NPIPB2: variants seen among roughly 807,000 people sequenced by gnomAD.
NPIPB2 encodes the protein nuclear pore complex interacting protein family member B2, also known as nuclear pore complex-interacting protein family member B2.
Under a neutral mutation model 30.8 loss-of-function variants are expected in NPIPB2, and 27 were observed. The ratio of observed to expected loss-of-function variants is 0.88; its 90% confidence interval spans 0.65 to 1.21. The LOEUF (loss-of-function observed/expected upper bound fraction) is 1.21, where lower values mean the gene tolerates loss of function less well. Ranked by LOEUF, NPIPB2 falls within the 50% of genes most tolerant of loss-of-function variation. The pLI is 0.00. For missense variants in NPIPB2, 440 were observed against 446.2 expected, an observed-to-expected ratio of 0.99 and a Z score of 0.13; for synonymous variants, 147 against 162.0, an observed-to-expected ratio of 0.91 and a Z score of 0.70.
chr16:11,933,417 G>C, intron 4 of NPIPB2, 100 bp downstream of exon 4: 1 of 1,536,260 alleles, frequency 6.5e-7, no homozygotes, highest in Non-Finnish European at 8.8e-7. Context: ...CACTGAATTT[G>C]CCACAAATAT....
chr16:11,927,423 T>C (rs1430237459), exon 8 of NPIPB2: 1 of 1,149,290 alleles, frequency 8.7e-7, no homozygotes, highest in South Asian at 1.3e-5. Context: ...CTCCGCCTCT[T>C]GGGCTCGGGT....
At chr16:11,957,214 G>C (rs373932394) in intron 1 of NPIPB2, among the ~76,000 whole-genome samples, 9 of 149,732 alleles carry the variant, frequency 6.0e-5, no homozygotes. Context: ...GCCCAGGCTG[G>C]AGTGCAGTGG....
At chr16:11,960,826 T>G (rs932970324) in intron 1 of NPIPB2, among the ~76,000 whole-genome samples, 1 of 151,960 alleles carries the variant, frequency 6.6e-6, no homozygotes, top group Non-Finnish European at 1.5e-5. Flanking sequence ...CAGGCTAAAA[T>G]CTCTCCTTGC....
At chr16:11,952,180 A>C (rs1217171835) in intron 1 of NPIPB2, among the ~76,000 whole-genome samples, 4 of 143,190 alleles carry the variant, frequency 2.8e-5, no homozygotes, top group African/African-American at 1.1e-4. Context: ...CAAAACAAAA[A>C]AAAAAACAAA....
At chr16:11,931,495 A>G (rs1056526193) in intron 4 of NPIPB2, among the ~76,000 whole-genome samples, 9 of 152,132 alleles carry the variant, frequency 5.9e-5, no homozygotes, top group Middle Eastern at 3.4e-3. Flanking sequence ...TCTGACCACA[A>G]GGCATCCTTC....
rs753581136 is a variant in NPIPB2 at position 11,927,486 on chromosome 16, C to A, written c.1081G>T (p.Glu361Ter). 5 of 1,452,386 alleles carry A rather than the reference C, an allele frequency of 3.4e-6. No individual in the cohort carries two copies. The highest frequency in any genetic ancestry group is 4.7e-6 in the Non-Finnish European group (5 of 1,065,878). The allele number at this position is 1,452,386 out of a possible 1,614,324, so 90.0% of individuals were successfully genotyped here. ...CGCCTCTTGGGTTCGGGTGGTGATT[C>A]CACCTCAGCGGCCCTCCGCCTCTTG... Residue 361 changes from glutamate to a stop codon, truncating the protein, a stop_gained, in exon 8 of 8, where the codon GAA becomes TAA. Coordinates refer to ENST00000399147, the Ensembl canonical transcript of NPIPB2. LOFTEE classifies it high-confidence loss of function.
At chr16:11,954,725 G>C (rs760089842) in intron 1 of NPIPB2, among the ~76,000 whole-genome samples, 1 of 151,776 alleles carries the variant, frequency 6.6e-6, no homozygotes, top group Non-Finnish European at 1.5e-5. Flanking sequence ...GGCTAACACG[G>C]TGAAACCCTA....
chr16:11,968,113 T>G, intron 1 of NPIPB2: 2 of 387,384 alleles, frequency 5.2e-6, no homozygotes, highest in Non-Finnish European at 9.4e-6. Context: ...CAAGCATGTA[T>G]ACCAGTGTGG....
At chr16:11,958,786 G>T (rs555841761) in intron 1 of NPIPB2, among the ~76,000 whole-genome samples, 145 of 152,196 alleles carry the variant, frequency 9.5e-4, no homozygotes, top group African/African-American at 3.4e-3. Flanking sequence ...AAATATTAAG[G>T]TTAAAGAGGT....
intron 1 of NPIPB2, among the ~76,000 whole-genome samples, chr16:11,960,853 A>AT (rs754790093): frequency 6.6e-4 from 97 of 147,188 alleles, no homozygotes; most frequent in African/African-American, 1.4e-3. Context: ...GTTATGGGAG[A>AT]TTTTTTTTTC....
At chr16:11,956,235 GC>G (rs1339945798) in intron 1 of NPIPB2, 1 of 152,340 alleles carries the variant, frequency 6.6e-6, no homozygotes, top group African/African-American at 2.4e-5. Context: ...AATTGCTCAA[GC>G]CCTGTAAGTG....
At chr16:11,962,074 C>G (rs530346115) in intron 1 of NPIPB2, among the ~76,000 whole-genome samples, 10 of 151,288 alleles carry the variant, frequency 6.6e-5, no homozygotes, top group African/African-American at 2.4e-4. Context: ...GTGGCATGTG[C>G]GTAGTCCTAG....
At chr16:11,970,028 A>T (rs1567480761) in intron 1 of NPIPB2, among the ~76,000 whole-genome samples, 1 of 151,564 alleles carries the variant, frequency 6.6e-6, no homozygotes, top group Admixed American at 6.6e-5. Flanking sequence ...CACCCGGCCT[A>T]TACTAACTCA....
At chr16:11,944,634 G>T (rs189459581), upstream of NPIPB2, among the ~76,000 whole-genome samples, 12 of 146,614 alleles carry the variant, frequency 8.2e-5, no homozygotes, top group East Asian at 2.5e-3. Context: ...GTGGTGGTGC[G>T]CACCTGTAAT....
At chr16:11,932,616 A>G (rs2054805003) in intron 4 of NPIPB2, among the ~76,000 whole-genome samples, 1 of 144,258 alleles carries the variant, frequency 6.9e-6, no homozygotes, top group Non-Finnish European at 1.5e-5. Flanking sequence ...CCTCTACTAA[A>G]AATACAAAAA....
chr16:11,967,878 T>C (rs756823001), intron 1 of NPIPB2: 1 of 1,600,698 alleles, frequency 6.2e-7, no homozygotes, highest in South Asian at 1.1e-5. Flanking sequence ...AGTGCCACTT[T>C]AAAAATCTTT....
chr16:11,975,141 CTTTT>C (rs1195309022), intron 1 of NPIPB2, among the ~76,000 whole-genome samples: 6 of 37,518 alleles, frequency 1.6e-4, no homozygotes, highest in African/African-American at 2.3e-4. Flanking sequence ...AATCCATCAC[CTTTT>C]TTTTTTTTTT....
At chr16:11,976,600 G>C in exon 1 of NPIPB2, 1 of 364,808 alleles carries the variant, frequency 2.7e-6, no homozygotes, top group Non-Finnish European at 4.9e-6. Context: ...CCTCAGCACC[G>C]CTCTCCACAC....
intron 1 of NPIPB2, among the ~76,000 whole-genome samples, chr16:11,969,781 G>C (rs543447597): frequency 2.0e-5 from 3 of 151,970 alleles, no homozygotes; most frequent in African/African-American, 7.3e-5. Context: ...AATGTGAGTG[G>C]TGCTATAATA....
Sources: gnomAD v4.1 joint callset for allele counts (sites outside exome capture counted in the v4.1 genomes callset) on GRCh38, gnomAD v4.1.1 for gene constraint, MANE v1.5 for transcripts, NCBI Gene and HGNC (gene_info 2026-07-23, HGNC 2026-07-21) for gene names.